Variants in KIF6 observed in about 807,000 individuals in gnomAD.
KIF6 encodes kinesin family member 6, also known as kinesin-like protein KIF6.
In KIF6, 106 loss-of-function variants were observed where a neutral mutation model predicts 112.7. The observed-to-expected ratio is 0.94, with a 90% CI of 0.80 to 1.11. KIF6 has a LOEUF of 1.11. Ranked by LOEUF, KIF6 falls within the 50% of genes least tolerant of loss-of-function variation. The probability of loss-of-function intolerance (pLI) is 0.00; values close to 1 mark genes in which losing one functional copy is unlikely to be tolerated. For synonymous variants in KIF6, 339 were observed against 339.9 expected, an observed-to-expected ratio of 1.00 and a Z score of 0.03; for missense variants, 929 against 964.0, an observed-to-expected ratio of 0.96 and a Z score of 0.48.
intron 16 of KIF6, among the ~76,000 whole-genome samples, chr6:39,376,857 A>G (rs1766477753): frequency 6.6e-6 from 1 of 152,226 alleles, no homozygotes; most frequent in African/African-American, 2.4e-5. Flanking sequence ...CTCTTTCTTC[A>G]AATACAAGCT....
intron 16 of KIF6, among the ~76,000 whole-genome samples, chr6:39,380,712 T>G (rs924547929): frequency 6.6e-6 from 1 of 152,036 alleles, no homozygotes; most frequent in Non-Finnish European, 1.5e-5. Context: ...CATGGCTGAT[T>G]TGAAGCCACC....
chr6:39,659,813 T>A (rs988994768), intron 3 of KIF6, among the ~76,000 whole-genome samples: 1 of 152,226 alleles, frequency 6.6e-6, no homozygotes, highest in Non-Finnish European at 1.5e-5. Context: ...GTTTTGTGTA[T>A]TTCTTCACAG....
At chr6:39,470,711 C>A (rs1196350959) in intron 13 of KIF6, among the ~76,000 whole-genome samples, 1 of 152,150 alleles carries the variant, frequency 6.6e-6, no homozygotes, top group Non-Finnish European at 1.5e-5. Context: ...TTCCACTATT[C>A]CCCATCAATC....
intron 13 of KIF6, among the ~76,000 whole-genome samples, chr6:39,510,603 A>G (rs1161594635): frequency 2.0e-5 from 3 of 152,184 alleles, no homozygotes; most frequent in Non-Finnish European, 4.4e-5. Context: ...TGCCAGATTT[A>G]AAGATCATCG....
rs780294745 is a variant in KIF6, at chr6:39,385,672, C to G, written c.1811G>C (p.Gly604Ala). The G allele has an allele frequency of 6.2e-7, 1 of 1,612,788 alleles. No individual in the cohort carries two copies. Among genetic ancestry groups the G allele is most frequent in the Admixed American group, 1.7e-5 (1 of 59,974 alleles). ...CTGGGTGATTTCTTCCTTCAGGTGA[C>G]CTGCCAAAGACACAAAAGAAAACTA... ...ESINEARSKI[G>A]HLKEEITQRH... Residue 604 changes from glycine to alanine, a missense_variant and splice_region_variant, in exon 16 of 23, where the codon GGT becomes GCT. Around this residue, in one of 2 missense-constraint regions of KIF6, gnomAD observed 241 missense variants for 301.4 expected, o/e 0.80. Coordinates refer to ENST00000287152, the MANE Select transcript of KIF6 (RefSeq NM_145027.6).
intron 10 of KIF6, among the ~76,000 whole-genome samples, chr6:39,555,224 C>T (rs1352157718): frequency 6.6e-6 from 1 of 152,120 alleles, no homozygotes; most frequent in Non-Finnish European, 1.5e-5. Flanking sequence ...CTCCTGGAGC[C>T]CTCCCCAAGC....
intron 5 of KIF6, among the ~76,000 whole-genome samples, chr6:39,628,569 T>C (rs1054519232): frequency 6.6e-6 from 1 of 152,156 alleles, no homozygotes; most frequent in African/African-American, 2.4e-5. Flanking sequence ...ATTGGAATCA[T>C]ACAGCATGTA....
At chr6:39,686,617 A>G (rs542195160) in intron 3 of KIF6, among the ~76,000 whole-genome samples, 1 of 152,304 alleles carries the variant, frequency 6.6e-6, no homozygotes, top group Non-Finnish European at 1.5e-5. Context: ...AGGCAAGCAG[A>G]GTGAACTGCA....
At chr6:39,703,662 CT>C (rs1429886806) in intron 3 of KIF6, among the ~76,000 whole-genome samples, 1 of 152,176 alleles carries the variant, frequency 6.6e-6, no homozygotes, top group Non-Finnish European at 1.5e-5. Flanking sequence ...GATAGAAACT[CT>C]GCTAAAAGTG....
chr6:39,611,135 G>A lies in KIF6; in HGVS notation c.639+2054C>T, dbSNP rs572368030. 2.6e-4 allele frequency among the ~76,000 whole-genome samples: 39 copies of A among 152,202 alleles called. No individual in the cohort carries two copies. In the South Asian group the frequency reaches 5.4e-3, roughly 21 times the overall value. On this transcript the variant is annotated intron_variant, in intron 6 of 22. Coordinates refer to ENST00000287152, the MANE Select transcript of KIF6 (RefSeq NM_145027.6). The stretch of plus-strand genomic sequence containing the variant: ...AGCCTGGCTAACATGGCGAAACCCT[G>A]TCTCTACCAAAAATGCAAAAGAATT...
At chr6:39,541,769 G>A (rs558140870) in intron 12 of KIF6, among the ~76,000 whole-genome samples, 9 of 152,282 alleles carry the variant, frequency 5.9e-5, no homozygotes, top group South Asian at 2.1e-4. Flanking sequence ...AAAGGCCTAA[G>A]AGTGACCTTT....
intron 16 of KIF6, among the ~76,000 whole-genome samples, chr6:39,384,294 G>A (rs1767219925): frequency 1.3e-5 from 2 of 152,206 alleles, no homozygotes; most frequent in South Asian, 4.2e-4. Context: ...CACGAAGCAG[G>A]ATACAGAGGC....
chr6:39,641,000 C>T (rs906238785), intron 3 of KIF6, among the ~76,000 whole-genome samples: 37 of 152,020 alleles, frequency 2.4e-4, no homozygotes, highest in African/African-American at 8.5e-4. Flanking sequence ...CACTTTTCTT[C>T]GTGTGTCTTT....
chr6:39,672,957 C>A (rs1393220897), intron 3 of KIF6, among the ~76,000 whole-genome samples: 1 of 152,118 alleles, frequency 6.6e-6, no homozygotes, highest in East Asian at 1.9e-4. Flanking sequence ...CTCATAAAAT[C>A]TCCAGGAAGT....
intron 3 of KIF6, among the ~76,000 whole-genome samples, chr6:39,641,901 A>G (rs1784920397): frequency 6.6e-6 from 1 of 152,134 alleles, no homozygotes; most frequent in Non-Finnish European, 1.5e-5. Context: ...ACCAGATGAC[A>G]TAGCTTCATA....
At chr6:39,703,416 A>T (rs965969949) in intron 3 of KIF6, among the ~76,000 whole-genome samples, 1 of 152,176 alleles carries the variant, frequency 6.6e-6, no homozygotes, top group Admixed American at 6.5e-5. Context: ...CCCGTTTTTC[A>T]TCTAAAATGG....
intron 13 of KIF6, among the ~76,000 whole-genome samples, chr6:39,443,826 T>C (rs1460552633): frequency 1.3e-5 from 2 of 152,222 alleles, no homozygotes; most frequent in Non-Finnish European, 2.9e-5. Context: ...GAAATATGTA[T>C]GGATTTAAGT....
intron 10 of KIF6, among the ~76,000 whole-genome samples, chr6:39,574,206 A>G (rs1780801817): frequency 6.6e-6 from 1 of 152,246 alleles, no homozygotes; most frequent in African/African-American, 2.4e-5. Flanking sequence ...TTTATGGAAT[A>G]CATGGCAAGT....
intron 10 of KIF6, among the ~76,000 whole-genome samples, chr6:39,569,630 C>T (rs1401104488): frequency 6.6e-6 from 1 of 152,224 alleles, no homozygotes. Context: ...CCTTTAAATG[C>T]TAACTTTCAA....
Sources: gnomAD v4.1 joint callset for allele counts (sites outside exome capture counted in the v4.1 genomes callset) on GRCh38, gnomAD v4.1.1 for gene constraint, gnomAD v4.1.1 regional missense constraint, MANE v1.5 for transcripts, NCBI Gene and HGNC (gene_info 2026-07-23, HGNC 2026-07-21) for gene names.